The following KCNMA1 variants were observed in gnomAD, a reference collection of about 807,000 sequenced individuals.
KCNMA1 encodes the protein potassium calcium-activated channel subfamily M alpha 1, also known as Calcium-activated potassium channel subunit alpha-1.
In KCNMA1, 29 loss-of-function variants were observed where a neutral mutation model predicts 140.0. The observed-to-expected ratio is 0.21, with a 90% CI of 0.15 to 0.28. The LOEUF (loss-of-function observed/expected upper bound fraction) is 0.28, where lower values mean the gene tolerates loss of function less well. Ranked by LOEUF, KCNMA1 falls within the 10% of genes least tolerant of loss-of-function variation. The pLI is 1.00. For synonymous variants in KCNMA1, 612 were observed against 611.9 expected, an observed-to-expected ratio of 1.00 and a Z score of 0.00; for missense variants, 880 against 1,602.2, an observed-to-expected ratio of 0.55 and a Z score of 7.70.
At chr10:77,420,521 CT>C (rs1486340101) in intron 1 of KCNMA1, among the ~76,000 whole-genome samples, 2 of 152,236 alleles carry the variant, frequency 1.3e-5, no homozygotes, top group Non-Finnish European at 2.9e-5. Context: ...ACTTGTTTCT[CT>C]GCTTATCAGT....
At chr10:77,546,794 T>C (rs2061551055) in intron 1 of KCNMA1, among the ~76,000 whole-genome samples, 1 of 152,206 alleles carries the variant, frequency 6.6e-6, no homozygotes, top group Non-Finnish European at 1.5e-5. Flanking sequence ...GCCCCAAAGA[T>C]GGCGGGGCAG....
intron 3 of KCNMA1, among the ~76,000 whole-genome samples, chr10:77,229,664 C>A (rs1003485479): frequency 2.6e-5 from 4 of 152,166 alleles, no homozygotes; most frequent in Non-Finnish European, 4.4e-5. Context: ...CTGTGCTCTT[C>A]CCACATTGTG....
chr10:76,988,938 C>T (rs571067871), intron 19 of KCNMA1, among the ~76,000 whole-genome samples: 2 of 152,248 alleles, frequency 1.3e-5, no homozygotes, highest in South Asian at 2.1e-4. Context: ...TCCTGCTACA[C>T]GATTTCATTC....
intron 2 of KCNMA1, 69 bp downstream of exon 2, chr10:77,403,793 T>G: frequency 6.7e-7 from 1 of 1,485,160 alleles, no homozygotes; most frequent in Non-Finnish European, 9.2e-7. Context: ...GAATATCACG[T>G]CTCATAAGCA....
At chr10:77,027,198 G>A (rs954744182) in intron 16 of KCNMA1, among the ~76,000 whole-genome samples, 66 of 152,148 alleles carry the variant, frequency 4.3e-4, no homozygotes, top group African/African-American at 1.6e-3. Context: ...TATTGACTGG[G>A]ATGTTATCTA....
At chr10:77,308,196 T>C (rs987453315) in intron 2 of KCNMA1, among the ~76,000 whole-genome samples, 6 of 152,118 alleles carry the variant, frequency 3.9e-5, no homozygotes, top group Non-Finnish European at 8.8e-5. Flanking sequence ...GGCTCAGCAC[T>C]GAACTATCTA....
At chr10:76,932,333 T>C (rs1257207133) in intron 23 of KCNMA1, among the ~76,000 whole-genome samples, 1 of 152,210 alleles carries the variant, frequency 6.6e-6, no homozygotes, top group East Asian at 1.9e-4. Context: ...TAGAAAGTCC[T>C]GTATCTCATT....
intron 2 of KCNMA1, among the ~76,000 whole-genome samples, chr10:77,282,352 T>C (rs1218274397): frequency 5.3e-5 from 8 of 152,294 alleles, no homozygotes; most frequent in East Asian, 3.9e-4. Context: ...ACGTGGACTT[T>C]GCAAATTCTG....
intron 2 of KCNMA1, among the ~76,000 whole-genome samples, chr10:77,394,302 A>G (rs1318782441): frequency 1.3e-5 from 2 of 152,194 alleles, no homozygotes; most frequent in African/African-American, 4.8e-5. Flanking sequence ...GGGAGGGCAG[A>G]GGAGCCAACA....
rs1392601848 is a variant in KCNMA1 at position 77,119,941 on chromosome 10, T to A, written c.884+1032A>T. ...AAAAAAAACACTAACACCCAAGGAG[T>A]AAAGCCAATCATAGGTTGAATTTGT... On this transcript the variant is annotated intron_variant, in intron 6 of 27. Coordinates refer to ENST00000286628, the MANE Select transcript of KCNMA1 (RefSeq NM_001161352.2). Among the ~76,000 whole-genome samples the A allele has an allele frequency of 2.0e-5, 3 of 151,902 alleles. No homozygotes were observed. The East Asian group carries it at 5.8e-4, about 29-fold the overall frequency.
At chr10:77,438,613 C>G (rs116338787) in intron 1 of KCNMA1, among the ~76,000 whole-genome samples, 271 of 151,810 alleles carry the variant, frequency 1.8e-3, no homozygotes, top group African/African-American at 6.4e-3. Flanking sequence ...TCTCACTACT[C>G]TATGATATGT....
At chr10:77,572,481 C>T (rs1347183188) in intron 1 of KCNMA1, among the ~76,000 whole-genome samples, 1 of 144,672 alleles carries the variant, frequency 6.9e-6, no homozygotes, top group Non-Finnish European at 1.5e-5. Context: ...GTTTGGGAGG[C>T]TGATATGTCT....
At chr10:77,499,850 T>C (rs1048570535) in intron 1 of KCNMA1, among the ~76,000 whole-genome samples, 1 of 152,096 alleles carries the variant, frequency 6.6e-6, no homozygotes, top group African/African-American at 2.4e-5. Flanking sequence ...AAAACTAAAA[T>C]TTATTGGAAG....
chr10:77,339,087 T>C (rs1424283647), intron 2 of KCNMA1, among the ~76,000 whole-genome samples: 1 of 151,638 alleles, frequency 6.6e-6, no homozygotes, highest in Admixed American at 6.6e-5. Flanking sequence ...CACACAGATA[T>C]ACAGTGTATC....
At position 77,447,286 on chromosome 10, in the gene KCNMA1, G is replaced by A. The variant is rs117988738; in HGVS notation, c.379-43263C>T. On this transcript the variant is annotated intron_variant, in intron 1 of 27. Transcript: ENST00000286628. ...TTTTGTGGAAGCTGCATCAGCTCTC[G>A]ACTTGTCCCTCTTGTCACTCTGGCC... 4.5e-3 allele frequency among the ~76,000 whole-genome samples: 691 copies of A among 152,318 alleles called. 1 individual carries two copies. The highest frequency in any genetic ancestry group is 7.7e-3 in the Non-Finnish European group (524 of 68,030).
chr10:76,956,772 GA>G (rs1025709720), intron 20 of KCNMA1, among the ~76,000 whole-genome samples: 1 of 152,086 alleles, frequency 6.6e-6, no homozygotes, highest in African/African-American at 2.4e-5. Context: ...AGAATACCAA[GA>G]AAAAAGCTGT....
rs773511314 is a variant in KCNMA1 at position 77,084,648 on chromosome 10, C to T, written c.1512G>A (p.Ser504=). 21 of 1,613,722 alleles carry T rather than the reference C, an allele frequency of 1.3e-5. 1 individual carries two copies. The highest frequency in any genetic ancestry group is 1.2e-4 in the South Asian group (11 of 91,080). The change falls in exon 12 of 28, where the codon TCG becomes TCA. Residue 504 remains serine (S), a synonymous_variant. Transcript: ENST00000286628. ...GCCCCAAGAGTTACCTCATGATATT[C>T]GAGGCATCCTCCGCATCCGGGTCAG... ...YCADPDAEDA[S]NIMRVISIKN...
intron 23 of KCNMA1, among the ~76,000 whole-genome samples, chr10:76,932,670 G>T (rs2059570426): frequency 6.6e-6 from 1 of 152,128 alleles, no homozygotes; most frequent in Admixed American, 6.5e-5. Context: ...ATGTCAAATT[G>T]CTCATGATGG....
chr10:77,069,981 A>G (rs771810747), intron 14 of KCNMA1, among the ~76,000 whole-genome samples: 31 of 152,130 alleles, frequency 2.0e-4, no homozygotes, highest in Non-Finnish European at 3.1e-4. Flanking sequence ...AGGCCCAGCT[A>G]ATTTTTGTAT....
Sources: gnomAD v4.1 joint callset for allele counts (sites outside exome capture counted in the v4.1 genomes callset) on GRCh38, gnomAD v4.1.1 for gene constraint, MANE v1.5 for transcripts, NCBI Gene and HGNC (gene_info 2026-07-23, HGNC 2026-07-21) for gene names.